Variants in TMOD3 observed in about 807,000 individuals in gnomAD.
TMOD3 encodes tropomodulin-3.
TMOD3 carries 20 observed loss-of-function variants against 39.2 expected under a neutral mutation model. The observed-to-expected ratio is 0.51, with a 90% CI of 0.36 to 0.74. TMOD3 has a LOEUF of 0.74. TMOD3 is among the 30% of genes least tolerant of loss of function. The pLI is 0.00. For missense variants in TMOD3, 381 were observed against 412.8 expected, an observed-to-expected ratio of 0.92 and a Z score of 0.67; for synonymous variants, 143 against 145.8, an observed-to-expected ratio of 0.98 and a Z score of 0.14.
intron 7 of TMOD3, among the ~76,000 whole-genome samples, chr15:51,899,530 G>A (rs2056638549): frequency 1.3e-5 from 2 of 151,876 alleles, no homozygotes; most frequent in Non-Finnish European, 2.9e-5. Context: ...GCCGGGCATG[G>A]TGGCACACAA....
intron 1 of TMOD3, among the ~76,000 whole-genome samples, chr15:51,858,812 A>G (rs2056401222): frequency 6.6e-6 from 1 of 152,118 alleles, no homozygotes; most frequent in African/African-American, 2.4e-5. Context: ...AACATTTAGG[A>G]CTTATGGTAG....
intron 6 of TMOD3, among the ~76,000 whole-genome samples, chr15:51,896,158 A>AT (rs1050497438): frequency 2.6e-5 from 4 of 152,082 alleles, no homozygotes; most frequent in African/African-American, 7.2e-5. Context: ...AATAATGAGA[A>AT]TTTTTTTTAA....
chr15:51,861,101 A>G, intron 1 of TMOD3: 1 of 563,596 alleles, frequency 1.8e-6, no homozygotes, highest in Non-Finnish European at 3.3e-6. Context: ...TCTGTTCGAA[A>G]AGATTAATTT....
intron 3 of TMOD3, among the ~76,000 whole-genome samples, chr15:51,885,273 GTTTCTTT>G (rs1457760219): frequency 7.2e-6 from 1 of 139,728 alleles, no homozygotes; most frequent in Non-Finnish European, 1.5e-5. Context: ...AGAGTAACTA[GTTTCTTT>G]TTTCTTTTTT....
chr15:51,848,747 A>G (rs545626528), intron 1 of TMOD3, among the ~76,000 whole-genome samples: 2 of 152,386 alleles, frequency 1.3e-5, no homozygotes, highest in African/African-American at 2.4e-5. Context: ...GTAAACATAT[A>G]TAATCACCAG....
intron 3 of TMOD3, among the ~76,000 whole-genome samples, chr15:51,884,095 G>A (rs1416158415): frequency 6.6e-6 from 1 of 152,192 alleles, no homozygotes; most frequent in African/African-American, 2.4e-5. Context: ...TAAGCCACCA[G>A]TTAACTGGAA....
rs576235157 is a variant in TMOD3, at chr15:51,900,867, A to G, written c.879+569A>G. Among the ~76,000 whole-genome samples the G allele has an allele frequency of 2.0e-5, 3 of 152,332 alleles. No homozygotes were observed. In the East Asian group the frequency reaches 5.8e-4, roughly 29 times the overall value. ...TTTTTATTGAGATATAATTACATACAGTAAAATTCATTTTCTTAAAGTATA... is the reference window on the plus strand; with the variant it reads ...TTTTTATTGAGATATAATTACATACGGTAAAATTCATTTTCTTAAAGTATA... On this transcript the variant is annotated intron_variant, in intron 8 of 9. Coordinates refer to ENST00000308580, the MANE Select transcript of TMOD3 (RefSeq NM_014547.5).
At chr15:51,859,713 C>T in intron 1 of TMOD3, 1 of 484,894 alleles carries the variant, frequency 2.1e-6, no homozygotes, top group South Asian at 1.7e-5. Context: ...AAAAGCATGG[C>T]TATGTCAGGG....
intron 1 of TMOD3, among the ~76,000 whole-genome samples, chr15:51,853,407 C>A (rs1382150956): frequency 6.6e-6 from 1 of 152,128 alleles, no homozygotes; most frequent in African/African-American, 2.4e-5. Context: ...CACTATGTTG[C>A]CCAGGCTCGT....
intron 1 of TMOD3, among the ~76,000 whole-genome samples, chr15:51,847,868 T>C (rs1198917463): frequency 6.6e-6 from 1 of 152,224 alleles, no homozygotes; most frequent in African/African-American, 2.4e-5. Context: ...TTGCTACGGT[T>C]TGAATGTCTG....
chr15:51,832,733 C>T (rs769602459), intron 1 of TMOD3, among the ~76,000 whole-genome samples: 3 of 151,774 alleles, frequency 2.0e-5, no homozygotes, highest in African/African-American at 7.3e-5. Context: ...AGAGGCTTTG[C>T]GGATAAAAGT....
In TMOD3 at chr15:51,869,242, G is replaced by A. The variant is rs765953100; in HGVS notation, c.152G>A (p.Arg51Gln). The A allele has an allele frequency of 3.1e-5, 50 of 1,613,742 alleles. No homozygotes were observed. Among genetic ancestry groups the A allele is most frequent in the Non-Finnish European group, 3.6e-5 (43 of 1,179,954 alleles). Residue 51 changes from arginine (R) to glutamine (Q), a missense_variant, in exon 3 of 10, where the codon CGG becomes CAG. By Grantham distance (43) the Arg-to-Gln change is conservative (BLOSUM62 1). Coordinates refer to ENST00000308580, the MANE Select transcript of TMOD3 (RefSeq NM_014547.5). ...PENALLPAGF[R>Q]QKNQTSKSTT... is the part of the protein sequence containing the mutation. ...AATGCCCTTCTGCCTGCAGGGTTCC[G>A]GCAGAAGAACCAGACATCAAAGTCC...
chr15:51,847,590 C>A (rs1595891575), intron 1 of TMOD3, among the ~76,000 whole-genome samples: 2 of 152,194 alleles, frequency 1.3e-5, no homozygotes, highest in African/African-American at 4.8e-5. Flanking sequence ...GTGAACCAAA[C>A]AAAAGGATAA....
chr15:51,845,211 C>T (rs2056329902), intron 1 of TMOD3, among the ~76,000 whole-genome samples: 1 of 152,146 alleles, frequency 6.6e-6, no homozygotes, highest in South Asian at 2.1e-4. Flanking sequence ...TTTGCCAAGT[C>T]TCATCTACTG....
At chr15:51,838,562 G>A (rs2056297905) in intron 1 of TMOD3, among the ~76,000 whole-genome samples, 1 of 151,978 alleles carries the variant, frequency 6.6e-6, no homozygotes, top group African/African-American at 2.4e-5. Flanking sequence ...CTGCTTGTAG[G>A]GCTCTCTTTG....
intron 8 of TMOD3, 83 bp from the exon 9 acceptor site, chr15:51,901,809 C>T: frequency 1.5e-6 from 2 of 1,358,642 alleles, no homozygotes; most frequent in East Asian, 2.5e-5. Context: ...AAAGAATTAG[C>T]ATGTGCCTGA....
At chr15:51,874,325 T>C (rs2056490706) in intron 3 of TMOD3, among the ~76,000 whole-genome samples, 1 of 152,246 alleles carries the variant, frequency 6.6e-6, no homozygotes, top group Non-Finnish European at 1.5e-5. Flanking sequence ...TATGTCAATA[T>C]ATGAAAAGAA....
chr15:51,868,359 A>G (rs896866202), intron 2 of TMOD3, among the ~76,000 whole-genome samples: 2 of 152,164 alleles, frequency 1.3e-5, no homozygotes, highest in African/African-American at 2.4e-5. Context: ...TTACGTAGGT[A>G]AACTTGTGTC....
At chr15:51,861,720 C>T (rs534622599) in intron 1 of TMOD3, among the ~76,000 whole-genome samples, 8 of 150,064 alleles carry the variant, frequency 5.3e-5, no homozygotes, top group African/African-American at 1.2e-4. Context: ...TGTAAAGGCA[C>T]GATCTTGGCT....
Sources: gnomAD v4.1 joint callset for allele counts (sites outside exome capture counted in the v4.1 genomes callset) on GRCh38, gnomAD v4.1.1 for gene constraint, MANE v1.5 for transcripts, NCBI Gene and HGNC (gene_info 2026-07-23, HGNC 2026-07-21) for gene names.